Variants in RIMS2 observed in about 807,000 individuals in gnomAD.
The protein encoded by RIMS2 is regulating synaptic membrane exocytosis 2.
A neutral mutation model predicts 174.4 loss-of-function variants in RIMS2; 59 were observed. The ratio of observed to expected loss-of-function variants is 0.34; its 90% CI spans 0.27 to 0.42. RIMS2 has a LOEUF of 0.42. Ranked by LOEUF, RIMS2 falls within the 10% of genes least tolerant of loss-of-function variation. The pLI, the probability that RIMS2 is intolerant of heterozygous loss-of-function variation, is 1.00. For synonymous variants in RIMS2, 606 were observed against 572.5 expected (o/e 1.06, Z -0.84); for missense variants, 1,620 against 1,666.3 (o/e 0.97, Z 0.48).
intron 17 of RIMS2, among the ~76,000 whole-genome samples, chr8:104,009,299 T>A (rs980843708): frequency 5.5e-4 from 84 of 151,820 alleles, no homozygotes; most frequent in African/African-American, 1.9e-3. Context: ...GGTTTTTTTT[T>A]TTATTATTTT....
rs191850321 is a variant in RIMS2, at chr8:104,189,291, G to C, written c.3335-55625G>C. On this transcript the variant is annotated intron_variant, in intron 19 of 23. Coordinates refer to ENST00000504942, the Ensembl canonical transcript of RIMS2. Reference sequence around the variant, plus strand: ...TCTCCTTAAACCATTTACAGCTTTTGGCACTAGAGACACATTCCACCACCT... The same window carrying C: ...TCTCCTTAAACCATTTACAGCTTTTCGCACTAGAGACACATTCCACCACCT... Among the ~76,000 whole-genome samples, 315 of 151,964 alleles carry C rather than the reference G, an allele frequency of 2.1e-3. 1 individual carries two copies. Among genetic ancestry groups the C allele is most frequent in the Non-Finnish European group, 3.8e-3 (259 of 67,900 alleles).
At chr8:103,906,188 T>C (rs1309113734) in intron 4 of RIMS2, among the ~76,000 whole-genome samples, 1 of 152,192 alleles carries the variant, frequency 6.6e-6, no homozygotes, top group Non-Finnish European at 1.5e-5. Context: ...TAATTTTACT[T>C]ATTCAACAAG....
At chr8:104,199,714 G>A (rs140610598) in intron 19 of RIMS2, among the ~76,000 whole-genome samples, 41 of 152,288 alleles carry the variant, frequency 2.7e-4, no homozygotes, top group African/African-American at 8.9e-4. Flanking sequence ...TCAATAAGCA[G>A]AGATGCAGGA....
chr8:103,752,300 A>C (rs1258318523), intron 2 of RIMS2, among the ~76,000 whole-genome samples: 1 of 152,030 alleles, frequency 6.6e-6, no homozygotes, highest in Non-Finnish European at 1.5e-5. Flanking sequence ...GTTCTGTTCC[A>C]TTGATCTATA....
At chr8:103,581,023 G>C (rs9656853) in intron 1 of RIMS2, among the ~76,000 whole-genome samples, 1,763 of 151,596 alleles carry the variant, frequency 0.012, 33 homozygotes, top group African/African-American at 0.039. Context: ...GTAGAGATGG[G>C]GTTTTGCTGT....
intron 1 of RIMS2, among the ~76,000 whole-genome samples, chr8:103,603,158 C>T (rs2094848470): frequency 8.1e-6 from 1 of 122,778 alleles, no homozygotes; most frequent in Non-Finnish European, 1.6e-5. Context: ...TCCCCCCACC[C>T]CAACACAGTC....
At chr8:104,197,548 C>T (rs1224699873) in intron 19 of RIMS2, among the ~76,000 whole-genome samples, 4 of 152,232 alleles carry the variant, frequency 2.6e-5, no homozygotes, top group Admixed American at 6.5e-5. Flanking sequence ...AGGTTGACAA[C>T]TCTGAAGACA....
chr8:103,921,730 C>G, exon 10 of RIMS2: 9 of 1,580,944 alleles, frequency 5.7e-6, no homozygotes, highest in Non-Finnish European at 7.0e-6. Context: ...TTACCTCTCC[C>G]ATGAGTCCTG....
At chr8:103,523,847 C>T (rs950345851) in intron 1 of RIMS2, among the ~76,000 whole-genome samples, 6 of 151,888 alleles carry the variant, frequency 4.0e-5, no homozygotes, top group Admixed American at 1.3e-4. Flanking sequence ...TACTGTGTTT[C>T]TGTTTTTGCT....
At position 103,970,366 on chromosome 8, in the gene RIMS2, G is replaced by A. The variant is rs566472384; in HGVS notation, c.2771-4984G>A. Among the ~76,000 whole-genome samples the A allele has an allele frequency of 1.5e-3, 234 of 152,246 alleles. 1 individual carries two copies. Among genetic ancestry groups the A allele is most frequent in the African/African-American group, 5.4e-3 (224 of 41,540 alleles). ...CCTTCTCCCAGATTGGTTAGGCTTT[G>A]GTTAATTAGTTTCCCCTGAGGGAAA... On this transcript the variant is annotated intron_variant, in intron 15 of 23. Coordinates refer to ENST00000504942, the Ensembl canonical transcript of RIMS2.
intron 3 of RIMS2, among the ~76,000 whole-genome samples, chr8:103,836,923 C>T (rs1181493768): frequency 6.6e-6 from 1 of 152,178 alleles, no homozygotes. Flanking sequence ...AGTGGTACCA[C>T]AGTTTGATAG....
At chr8:103,949,266 C>T (rs908737961) in intron 14 of RIMS2, among the ~76,000 whole-genome samples, 6 of 151,890 alleles carry the variant, frequency 4.0e-5, no homozygotes, top group East Asian at 1.9e-4. Flanking sequence ...TTTAGTACTC[C>T]GCTGTCAATG....
chr8:104,247,188 A>G (rs536884666), intron 20 of RIMS2, among the ~76,000 whole-genome samples: 1 of 152,322 alleles, frequency 6.6e-6, no homozygotes, highest in African/African-American at 2.4e-5. Flanking sequence ...ATGAGAGAAA[A>G]GAGAGTATAT....
chr8:103,975,281 T>G, intron 15 of RIMS2, 69 bp from the exon 18 acceptor site: 1 of 1,005,704 alleles, frequency 9.9e-7, no homozygotes. Context: ...TGTTTTTGAG[T>G]AAAGTAGAAG....
At chr8:103,751,395 C>T (rs2097889478) in intron 2 of RIMS2, among the ~76,000 whole-genome samples, 1 of 151,636 alleles carries the variant, frequency 6.6e-6, no homozygotes. Flanking sequence ...TGAATAATGC[C>T]ACAATAAACA....
chr8:103,599,947 A>T (rs1222122331), intron 1 of RIMS2, among the ~76,000 whole-genome samples: 1 of 152,118 alleles, frequency 6.6e-6, no homozygotes, highest in Non-Finnish European at 1.5e-5. Context: ...AATTATTTTG[A>T]CTATAGTCAC....
In RIMS2 at chr8:104,141,967, C is replaced by A. The variant is rs189261636; in HGVS notation, c.3335-102949C>A. 3.9e-4 allele frequency among the ~76,000 whole-genome samples: 59 copies of A among 152,270 alleles called. No homozygotes were observed. The East Asian group carries it at 0.011, about 28-fold the overall frequency. On this transcript the variant is annotated intron_variant, in intron 19 of 23. Transcript: ENST00000504942. ...TATCAATTATTTATATGTTTACTGT[C>A]TTTCACTATGACAGTATGAATGAAA...
Position 104,061,894 on chromosome 8 carries a change from A to G in RIMS2, c.3334+47279A>G, listed in dbSNP as rs2097000065. On this transcript the variant is annotated intron_variant, in intron 19 of 23. Transcript: ENST00000504942. ...GTATGATTAATATACTTGTGTACAC[A>G]TCTTTGCACGTTGACATTTCTTTAG... Among the ~76,000 whole-genome samples, 2 of 152,036 alleles carry G rather than the reference A, an allele frequency of 1.3e-5. 1 individual carries two copies. Among genetic ancestry groups the G allele is most frequent in the South Asian group, 4.1e-4 (2 of 4,826 alleles).
intron 19 of RIMS2, among the ~76,000 whole-genome samples, chr8:104,086,309 T>C (rs1228458133): frequency 1.4e-5 from 2 of 145,074 alleles, no homozygotes; most frequent in African/African-American, 5.1e-5. Flanking sequence ...TAGTACATGA[T>C]AGAATGGCTT....
Sources: gnomAD v4.1 joint callset for allele counts (sites outside exome capture counted in the v4.1 genomes callset) on GRCh38, gnomAD v4.1.1 for gene constraint, MANE v1.5 for transcripts, NCBI Gene and HGNC (gene_info 2026-07-23, HGNC 2026-07-21) for gene names.